Variants in ZNF804B observed in about 807,000 individuals in gnomAD.
ZNF804B encodes zinc finger protein 804B.
A neutral mutation model predicts 101.4 loss-of-function variants in ZNF804B; 80 were observed. The ratio of observed to expected loss-of-function variants is 0.79; its 90% CI spans 0.66 to 0.95. The LOEUF is 0.95. Among genes scored for constraint, ZNF804B ranks in the 40% least tolerant of loss-of-function variants. The pLI is 0.00. For synonymous variants in ZNF804B, 622 were observed against 558.8 expected (o/e 1.11, Z -1.59); for missense variants, 1,673 against 1,561.9 (o/e 1.07, Z -1.20).
intron 1 of ZNF804B, among the ~76,000 whole-genome samples, chr7:89,120,612 C>A (rs1450654420): frequency 7.2e-6 from 1 of 138,924 alleles, no homozygotes; most frequent in East Asian, 2.2e-4. Context: ...GAGTGGAGAT[C>A]GCGCCACTGC....
At chr7:88,854,440 T>TTTCTTTCC (rs1791509057) in intron 1 of ZNF804B, among the ~76,000 whole-genome samples, 1 of 126,964 alleles carries the variant, frequency 7.9e-6, no homozygotes, top group Non-Finnish European at 1.6e-5. Flanking sequence ...TCTTTCTTTC[T>TTTCTTTCC]TTCTTTCTTT....
chr7:88,983,785 G>C (rs949359397), intron 1 of ZNF804B, among the ~76,000 whole-genome samples: 3 of 151,894 alleles, frequency 2.0e-5, no homozygotes, highest in Non-Finnish European at 4.4e-5. Context: ...TTATATTTCT[G>C]TTGATTGGCA....
At chr7:89,163,884 C>T (rs377140788) in intron 1 of ZNF804B, among the ~76,000 whole-genome samples, 1 of 151,920 alleles carries the variant, frequency 6.6e-6, no homozygotes, top group African/African-American at 2.4e-5. Flanking sequence ...TTCCCCTTTT[C>T]ATTTTTCTTC....
intron 1 of ZNF804B, among the ~76,000 whole-genome samples, chr7:88,915,177 A>G (rs185978295): frequency 5.3e-5 from 8 of 152,192 alleles, no homozygotes; most frequent in East Asian, 3.9e-4. Flanking sequence ...AGTTTCTTCT[A>G]TTACTGATTT....
At chr7:89,149,582 CT>C (rs1790840579) in intron 1 of ZNF804B, among the ~76,000 whole-genome samples, 1 of 152,028 alleles carries the variant, frequency 6.6e-6, no homozygotes, top group East Asian at 1.9e-4. Flanking sequence ...TACCAAGTCA[CT>C]TTTCAAATCT....
At chr7:89,059,334 A>G (rs1182086612) in intron 1 of ZNF804B, among the ~76,000 whole-genome samples, 1 of 152,200 alleles carries the variant, frequency 6.6e-6, no homozygotes, top group Non-Finnish European at 1.5e-5. Context: ...CAGGCTGTAC[A>G]GGAAGTGTGG....
chr7:89,269,011 T>A (rs1789842476), intron 2 of ZNF804B, among the ~76,000 whole-genome samples: 1 of 152,118 alleles, frequency 6.6e-6, no homozygotes, highest in Non-Finnish European at 1.5e-5. Context: ...TTGTTCTTTT[T>A]TATTTTTTAT....
intron 2 of ZNF804B, among the ~76,000 whole-genome samples, chr7:89,251,066 A>T (rs1259076125): frequency 6.6e-6 from 1 of 152,200 alleles, no homozygotes; most frequent in Non-Finnish European, 1.5e-5. Context: ...ACTCTTATTC[A>T]ACATAGTACT....
chr7:88,768,505 C>T (rs746889621), intron 1 of ZNF804B, among the ~76,000 whole-genome samples: 19 of 152,274 alleles, frequency 1.2e-4, no homozygotes, highest in Non-Finnish European at 1.9e-4. Flanking sequence ...ATTGCCTGGG[C>T]TCAGGAGTTT....
chr7:89,208,082 G>GTTTT (rs71526636), intron 1 of ZNF804B, among the ~76,000 whole-genome samples: 5 of 142,198 alleles, frequency 3.5e-5, no homozygotes, highest in Admixed American at 7.1e-5. Context: ...ATTTTATTGG[G>GTTTT]TTTTTTTTTT....
intron 1 of ZNF804B, among the ~76,000 whole-genome samples, chr7:88,842,342 A>G (rs1010531917): frequency 1.3e-5 from 2 of 152,188 alleles, no homozygotes; most frequent in Non-Finnish European, 2.9e-5. Context: ...GTGAGATTAC[A>G]GAAACCAGCT....
chr7:89,064,093 G>A (rs1789416822), intron 1 of ZNF804B, among the ~76,000 whole-genome samples: 3 of 152,060 alleles, frequency 2.0e-5, no homozygotes, highest in Admixed American at 2.0e-4. Context: ...AGCAGGATTG[G>A]GCAGAGGGAG....
intron 1 of ZNF804B, among the ~76,000 whole-genome samples, chr7:89,048,034 G>C (rs1450549299): frequency 6.6e-6 from 1 of 151,728 alleles, no homozygotes; most frequent in African/African-American, 2.4e-5. Context: ...GGTGATTTTG[G>C]TGCACACATC....
intron 1 of ZNF804B, among the ~76,000 whole-genome samples, chr7:88,972,405 C>A (rs1247516687): frequency 6.6e-6 from 1 of 151,382 alleles, no homozygotes; most frequent in African/African-American, 2.4e-5. Context: ...GTCAGACTGT[C>A]TTCCTAAATG....
At chr7:89,211,713 T>C (rs937305274) in intron 1 of ZNF804B, among the ~76,000 whole-genome samples, 2 of 152,168 alleles carry the variant, frequency 1.3e-5, no homozygotes, top group Non-Finnish European at 2.9e-5. Context: ...GTGCCTGTTT[T>C]TATACCAGTA....
chr7:89,046,345 G>A (rs956306236), intron 1 of ZNF804B, among the ~76,000 whole-genome samples: 4 of 152,124 alleles, frequency 2.6e-5, no homozygotes, highest in Non-Finnish European at 5.9e-5. Flanking sequence ...ATAGAATGCT[G>A]CTGTATTTAT....
chr7:89,055,272 GGAAAGTGAAGACAAGAATGGTA>G, intron 1 of ZNF804B, among the ~76,000 whole-genome samples: 1 of 152,136 alleles, frequency 6.6e-6, no homozygotes. Flanking sequence ...CAAGAATGGT[GGAAAGTGAAGACAAGAATGGTA>G]GAAAGTGAAG....
At chr7:88,889,869 T>C (rs1168650034) in intron 1 of ZNF804B, among the ~76,000 whole-genome samples, 1 of 152,140 alleles carries the variant, frequency 6.6e-6, no homozygotes, top group South Asian at 2.1e-4. Context: ...TTCAGAAAAG[T>C]GTTTCCTAGC....
intron 1 of ZNF804B, among the ~76,000 whole-genome samples, chr7:88,962,708 CATATATATATATATATATATATAT>C (rs71120046): frequency 2.1e-4 from 18 of 84,172 alleles, no homozygotes; most frequent in Admixed American, 5.3e-4. Flanking sequence ...GTTAAACTCA[CATATATATATATATATATATATAT>C]ATATATATAT....
Sources: gnomAD v4.1 joint callset for allele counts (sites outside exome capture counted in the v4.1 genomes callset) on GRCh38, gnomAD v4.1.1 for gene constraint, MANE v1.5 for transcripts, NCBI Gene and HGNC (gene_info 2026-07-23, HGNC 2026-07-21) for gene names.